Variants in AMPH observed in about 807,000 individuals in gnomAD.
AMPH encodes amphiphysin.
Under a neutral mutation model 99.1 loss-of-function variants are expected in AMPH, and 49 were observed. The ratio of observed to expected loss-of-function variants is 0.49; its 90% CI spans 0.39 to 0.63. The LOEUF (loss-of-function observed/expected upper bound fraction) is 0.63, where lower values mean the gene tolerates loss of function less well. AMPH is among the 20% of genes least tolerant of loss of function. The probability of loss-of-function intolerance (pLI) is 0.00; values close to 1 mark genes in which losing one functional copy is unlikely to be tolerated. For missense variants in AMPH, 759 were observed against 863.4 expected (o/e 0.88, Z 1.52); for synonymous variants, 314 against 317.3 (o/e 0.99, Z 0.11).
chr7:38,553,134 T>C (rs1791237240), intron 1 of AMPH, among the ~76,000 whole-genome samples: 1 of 152,264 alleles, frequency 6.6e-6, no homozygotes, highest in African/African-American at 2.4e-5. Context: ...CTCTCCTTTA[T>C]GACTTCTGAT....
chr7:38,412,719 A>G (rs1785249484), intron 17 of AMPH, among the ~76,000 whole-genome samples: 1 of 152,202 alleles, frequency 6.6e-6, no homozygotes, highest in Non-Finnish European at 1.5e-5. Flanking sequence ...TGGATGTATC[A>G]TGTTTGTAGA....
At chr7:38,552,962 G>A (rs1791231937) in intron 1 of AMPH, among the ~76,000 whole-genome samples, 1 of 152,154 alleles carries the variant, frequency 6.6e-6, no homozygotes, top group Non-Finnish European at 1.5e-5. Flanking sequence ...CTGTGCCCAG[G>A]GGAACGGACC....
At chr7:38,469,327 G>A (rs1787791530) in intron 7 of AMPH, among the ~76,000 whole-genome samples, 2 of 152,086 alleles carry the variant, frequency 1.3e-5, no homozygotes, top group Admixed American at 1.3e-4. Flanking sequence ...CTTATTAGCT[G>A]TCAAAACCAA....
chr7:38,578,324 A>G (rs1792321081), intron 1 of AMPH, among the ~76,000 whole-genome samples: 1 of 152,256 alleles, frequency 6.6e-6, no homozygotes, highest in Non-Finnish European at 1.5e-5. Context: ...ATGTTGTTAG[A>G]TTTAGTAAAT....
At chr7:38,506,583 A>T (rs1789333049) in intron 2 of AMPH, among the ~76,000 whole-genome samples, 4 of 152,196 alleles carry the variant, frequency 2.6e-5, no homozygotes, top group Admixed American at 2.6e-4. Context: ...TAAAAGGTAC[A>T]ATTAGGAGGG....
intron 11 of AMPH, among the ~76,000 whole-genome samples, chr7:38,437,818 A>T (rs972240251): frequency 1.3e-5 from 2 of 152,002 alleles, no homozygotes; most frequent in African/African-American, 4.8e-5. Flanking sequence ...CAAAAATAAA[A>T]AAAATAAAAA....
At chr7:38,515,139 C>T (rs1276156206) in intron 2 of AMPH, among the ~76,000 whole-genome samples, 2 of 152,196 alleles carry the variant, frequency 1.3e-5, no homozygotes, top group South Asian at 2.1e-4. Flanking sequence ...GGCATTGGAA[C>T]CTGAAGAAAA....
chr7:38,476,062 CAGG>C (rs1788070569), intron 6 of AMPH, among the ~76,000 whole-genome samples: 1 of 152,090 alleles, frequency 6.6e-6, no homozygotes, highest in Admixed American at 6.5e-5. Flanking sequence ...GCCTGGTATC[CAGG>C]AGGCCTCTCA....
intron 3 of AMPH, among the ~76,000 whole-genome samples, chr7:38,498,486 C>A (rs1202821288): frequency 6.6e-6 from 1 of 152,152 alleles, no homozygotes; most frequent in Non-Finnish European, 1.5e-5. Flanking sequence ...AATTATTAAT[C>A]ATCTATAACC....
chr7:38,571,165 T>TTATATATGAATATATATATTTA lies in AMPH; in HGVS notation c.70-36155_70-36154insTAAATATATATATTCATATATA, dbSNP rs1791979445. 6.5e-5 allele frequency among the ~76,000 whole-genome samples: 4 copies of TTATATATGAATATATATATTTA among 61,660 alleles called. 2 individuals are homozygous for TTATATATGAATATATATATTTA. Among genetic ancestry groups the TTATATATGAATATATATATTTA allele is most frequent in the African/African-American group, 1.3e-4 (2 of 14,982 alleles). 40.5% of individuals were successfully genotyped at this position (61,660 alleles called of 152,430 possible). Reference sequence around the variant, plus strand: ...TATATATTTATGAATATATATATTTTTATATATTTTTATATATGAATATAT... The same window carrying TTATATATGAATATATATATTTA: ...TATATATTTATGAATATATATATTTTTATATATGAATATATATATTTATATATATTTTTATATATGAATATAT... On this transcript the variant is annotated intron_variant, in intron 1 of 20. Coordinates refer to ENST00000356264, the MANE Select transcript of AMPH (RefSeq NM_001635.4).
chr7:38,441,788 G>GATATATA (rs59247929), intron 11 of AMPH, among the ~76,000 whole-genome samples: 3 of 55,580 alleles, frequency 5.4e-5, no homozygotes, highest in African/African-American at 8.6e-5. Context: ...TCATATATCT[G>GATATATA]TCATATATAT....
chr7:38,498,992 T>G (rs923081178), intron 3 of AMPH, among the ~76,000 whole-genome samples: 4 of 152,146 alleles, frequency 2.6e-5, no homozygotes, highest in African/African-American at 4.8e-5. Flanking sequence ...AAATCTATCT[T>G]TCTCTAGAAA....
At chr7:38,488,421 G>C (rs1275512952) in intron 5 of AMPH, among the ~76,000 whole-genome samples, 3 of 151,174 alleles carry the variant, frequency 2.0e-5, no homozygotes, top group Non-Finnish European at 4.4e-5. Context: ...AACTAACACA[G>C]GAACAGAAAA....
chr7:38,400,217 AGG>A (rs1159033674), intron 17 of AMPH, among the ~76,000 whole-genome samples: 2 of 152,198 alleles, frequency 1.3e-5, no homozygotes, highest in African/African-American at 4.8e-5. Context: ...CTGGGATTAC[AGG>A]CACCTGCCAC....
At chr7:38,531,030 T>C (rs1790379364) in intron 2 of AMPH, 1 of 152,282 alleles carries the variant, frequency 6.6e-6, no homozygotes, top group Non-Finnish European at 1.5e-5. Context: ...TCTTTCCTTC[T>C]TTCTCTCTTT....
intron 1 of AMPH, among the ~76,000 whole-genome samples, chr7:38,596,432 G>A (rs1416578973): frequency 5.9e-5 from 9 of 152,212 alleles, no homozygotes; most frequent in Admixed American, 5.2e-4. Context: ...AGTATAGGCA[G>A]TAGAGGGTAA....
At chr7:38,409,437 G>A (rs370974507) in intron 17 of AMPH, among the ~76,000 whole-genome samples, 9 of 152,276 alleles carry the variant, frequency 5.9e-5, no homozygotes, top group African/African-American at 9.6e-5. Flanking sequence ...ATCTCTTCAC[G>A]TGAACTATAT....
At chr7:38,542,726 C>CA (rs1790851983) in intron 1 of AMPH, among the ~76,000 whole-genome samples, 1 of 152,088 alleles carries the variant, frequency 6.6e-6, no homozygotes, top group Non-Finnish European at 1.5e-5. Context: ...GAGGCGATGC[C>CA]AGGAGAATTG....
chr7:38,393,067 G>C (rs924243445), intron 18 of AMPH, among the ~76,000 whole-genome samples: 2 of 152,064 alleles, frequency 1.3e-5, no homozygotes, highest in African/African-American at 4.8e-5. Flanking sequence ...ACTAACATTC[G>C]TCAACTTGGA....
Sources: allele counts gnomAD v4.1 joint callset (sites outside exome capture counted in the v4.1 genomes callset), GRCh38; gene constraint gnomAD v4.1.1; transcripts MANE v1.5; gene names NCBI Gene and HGNC (gene_info 2026-07-23, HGNC 2026-07-21).